The following TCAIM variants were observed in gnomAD, a reference collection of about 807,000 sequenced individuals.
The protein encoded by TCAIM is T cell activation inhibitor, mitochondrial, also known as T-cell activation inhibitor, mitochondrial.
Under a neutral mutation model 58.6 loss-of-function variants are expected in TCAIM, and 36 were observed. The ratio of observed to expected loss-of-function variants is 0.61; its 90% CI spans 0.47 to 0.81. The LOEUF (loss-of-function observed/expected upper bound fraction) is 0.81, where lower values mean the gene tolerates loss of function less well. Ranked by LOEUF, TCAIM falls within the 30% of genes least tolerant of loss-of-function variation. The probability of loss-of-function intolerance (pLI) is 0.00; values close to 1 mark genes in which losing one functional copy is unlikely to be tolerated. For missense variants in TCAIM, 466 were observed against 579.6 expected, an observed-to-expected ratio of 0.80 and a Z score of 2.01; for synonymous variants, 172 against 193.6, an observed-to-expected ratio of 0.89 and a Z score of 0.93.
intron 3 of TCAIM, chr3:44,359,548 A>C (rs1279517510): frequency 3.9e-5 from 6 of 152,234 alleles, no homozygotes; most frequent in African/African-American, 1.4e-4. Flanking sequence ...CATAAGCACT[A>C]AATGCTTACC....
chr3:44,399,029 G>A (rs1450269468), intron 8 of TCAIM, among the ~76,000 whole-genome samples: 1 of 152,218 alleles, frequency 6.6e-6, no homozygotes, highest in Admixed American at 6.5e-5. Flanking sequence ...GGGGAGCAGA[G>A]GTGTCAGTGC....
chr3:44,351,008 T>C, intron 1 of TCAIM, among the ~76,000 whole-genome samples: 1 of 151,722 alleles, frequency 6.6e-6, no homozygotes. Context: ...TATTTTTTAT[T>C]GTTGTTGTTG....
At chr3:44,379,004 C>G (rs1701611974) in intron 5 of TCAIM, among the ~76,000 whole-genome samples, 1 of 142,496 alleles carries the variant, frequency 7.0e-6, no homozygotes, top group Admixed American at 7.4e-5. Context: ...ACCAAAAATA[C>G]AAAAAAATAG....
Position 44,398,625 on chromosome 3 carries a change from T to G in TCAIM, c.886-1730T>G, listed in dbSNP as rs148727474. ...ATGGGAATGTAAAGTGGTACAGGCA[T>G]TCTGGAAAAAGATTATAATGGTTTC... On this transcript the variant is annotated intron_variant, in intron 8 of 10. Transcript: ENST00000342649. Among the ~76,000 whole-genome samples the G allele has an allele frequency of 2.8e-3, 424 of 152,288 alleles. 6 individuals are homozygous for G. Among genetic ancestry groups the G allele is most frequent in the Admixed American group, 0.024 (365 of 15,300 alleles).
At chr3:44,400,990 A>G in intron 9 of TCAIM, 1 of 613,716 alleles carries the variant, frequency 1.6e-6, no homozygotes, top group Non-Finnish European at 2.7e-6. Context: ...CATGTGACAG[A>G]TAAGGAAGGT....
At position 44,405,516 on chromosome 3, in the gene TCAIM, T is replaced by A. The variant is rs373058533; in HGVS notation, c.1251-1926T>A. Among the ~76,000 whole-genome samples, 21 of 151,362 alleles carry A rather than the reference T, an allele frequency of 1.4e-4. 1 individual carries two copies. In the East Asian group the frequency reaches 2.7e-3, roughly 20 times the overall value. Reference sequence around the variant, plus strand: ...GGTGAGACCTCGTCTCTACAAAAAATTTAAAAATTAGCTGGGTGTGGTGGT... The same window carrying A: ...GGTGAGACCTCGTCTCTACAAAAAAATTAAAAATTAGCTGGGTGTGGTGGT... On this transcript the variant is annotated intron_variant, in intron 10 of 10. Coordinates refer to ENST00000342649, the MANE Select transcript of TCAIM (RefSeq NM_173826.4).
intron 5 of TCAIM, among the ~76,000 whole-genome samples, chr3:44,383,690 G>A (rs6801706): frequency 0.15 from 22,322 of 151,406 alleles, 1,686 homozygotes; most frequent in Admixed American, 0.17. Flanking sequence ...AATGGGTAAG[G>A]GGCTGGGTGC....
At chr3:44,392,435 A>G (rs1701853455) in intron 5 of TCAIM, among the ~76,000 whole-genome samples, 1 of 152,138 alleles carries the variant, frequency 6.6e-6, no homozygotes, top group South Asian at 2.1e-4. Flanking sequence ...CTAGGTACTA[A>G]GCCTAGTACC....
At chr3:44,373,084 A>G (rs550657410) in intron 5 of TCAIM, among the ~76,000 whole-genome samples, 1 of 152,064 alleles carries the variant, frequency 6.6e-6, no homozygotes, top group Non-Finnish European at 1.5e-5. Context: ...TTTTAAATTA[A>G]AATAAGAAAT....
chr3:44,387,429 C>T (rs776877087), intron 5 of TCAIM, among the ~76,000 whole-genome samples: 3 of 152,162 alleles, frequency 2.0e-5, no homozygotes, highest in Non-Finnish European at 2.9e-5. Context: ...CTCCCCAAAC[C>T]AGGGCTGTGA....
intron 5 of TCAIM, among the ~76,000 whole-genome samples, chr3:44,374,774 T>A (rs1701538441): frequency 6.6e-6 from 1 of 151,830 alleles, no homozygotes; most frequent in African/African-American, 2.4e-5. Flanking sequence ...AAAAAAAATA[T>A]AAAAATAAAA....
intron 8 of TCAIM, among the ~76,000 whole-genome samples, chr3:44,399,267 TGA>T (rs1468185036): frequency 2.0e-5 from 3 of 152,190 alleles, no homozygotes; most frequent in Non-Finnish European, 2.9e-5. Context: ...GAAAGGTATA[TGA>T]ATCTACAATT....
chr3:44,394,918 AAAAATATATATATATATATATATAT>A lies in TCAIM; in HGVS notation c.696-1480_696-1456del, dbSNP rs1334404859. Among the ~76,000 whole-genome samples the A allele has an allele frequency of 8.6e-3, 261 of 30,268 alleles. 3 individuals carry two copies. The highest frequency in any genetic ancestry group is 0.024 in the African/African-American group (241 of 10,202). 19.9% of individuals were successfully genotyped at this position (30,268 alleles called of 152,430 possible). ...AAAAAAAAAAAAAAAAAAAAAAAAA[AAAAATATATATATATATATATATAT>A]ATATATATATATATATGTATATATC... On this transcript the variant is annotated intron_variant, in intron 6 of 10. Transcript: ENST00000342649.
Position 44,401,239 on chromosome 3 carries a change from T to C in TCAIM, c.1155T>C (p.His385=). ...RYAPSLHELG[H]FNIPTLCDPA... ...CTCCAAGCTTGCATGAACTCGGGCA[T>C]TTTAATATTCCAACACTCTGTGATC... is the stretch of plus-strand genomic sequence containing the variant. Residue 385 remains histidine (H), a synonymous_variant, in exon 10 of 11, where the codon CAT becomes CAC. Transcript: ENST00000342649. 6.2e-7 allele frequency: 1 copy of C among 1,614,104 alleles called. No individual in the cohort carries two copies.
intron 4 of TCAIM, chr3:44,362,952 G>A (rs1322828621): frequency 1.3e-5 from 2 of 152,152 alleles, no homozygotes; most frequent in African/African-American, 4.8e-5. Context: ...GTCTACTTAG[G>A]TTTCATTATT....
rs1342961775 is a variant in TCAIM, at chr3:44,367,590, G to A, written c.454G>A (p.Glu152Lys). The A allele has an allele frequency of 1.2e-6, 2 of 1,613,964 alleles. No individual in the cohort carries two copies. The highest frequency in any genetic ancestry group is 1.7e-6 in the Non-Finnish European group (2 of 1,180,014). The change falls in exon 5 of 11, where the codon GAA (glutamate) becomes AAA (lysine). Residue 152 changes from glutamate to lysine, a missense_variant. Coordinates refer to ENST00000342649, the MANE Select transcript of TCAIM (RefSeq NM_173826.4). ...NTNMHTQPLK[E>K]AKRMPDRPIK... Reference sequence around the variant, plus strand: ...TAATATGCATACCCAGCCTCTCAAAGAAGCTAAAAGGATGCCTGACAGGCC... The same window carrying A: ...TAATATGCATACCCAGCCTCTCAAAAAAGCTAAAAGGATGCCTGACAGGCC...
intron 4 of TCAIM, among the ~76,000 whole-genome samples, chr3:44,363,261 A>C (rs564029927): frequency 3.9e-5 from 6 of 152,222 alleles, no homozygotes; most frequent in Non-Finnish European, 7.3e-5. Context: ...TTCCTAGTCC[A>C]GTGTTTTGAT....
intron 5 of TCAIM, among the ~76,000 whole-genome samples, chr3:44,383,420 A>G (rs1559576597): frequency 1.3e-5 from 2 of 152,206 alleles, no homozygotes; most frequent in Non-Finnish European, 2.9e-5. Flanking sequence ...TGAGGACATC[A>G]TGCTACATGA....
At position 44,400,502 on chromosome 3, in the gene TCAIM, C is replaced by T. The variant is rs1236848256; in HGVS notation, c.1033C>T (p.Leu345Phe). 1 of 1,613,720 alleles carries T rather than the reference C, an allele frequency of 6.2e-7. No homozygotes were observed. Residue 345 changes from leucine (L) to phenylalanine (F), a missense_variant, in exon 9 of 11, where the codon CTT (leucine) becomes TTT (phenylalanine). Transcript: ENST00000342649. Reference sequence around the variant, plus strand: ...GACACTTGAAGAATATTACTCTCTTCTTGATGTGTTTTATAATAGACTGTT... The same window carrying T: ...GACACTTGAAGAATATTACTCTCTTTTTGATGTGTTTTATAATAGACTGTT... Reference protein sequence around the residue: ...VLTLEEYYSLLDVFYNRLLKS... With the variant: ...VLTLEEYYSLFDVFYNRLLKS...
Sources: gnomAD v4.1 joint callset for allele counts (sites outside exome capture counted in the v4.1 genomes callset) on GRCh38, gnomAD v4.1.1 for gene constraint, MANE v1.5 for transcripts, NCBI Gene and HGNC (gene_info 2026-07-23, HGNC 2026-07-21) for gene names.